Variants in S100A13 observed in about 807,000 individuals in gnomAD.
S100A13 encodes protein S100-A13.
S100A13 carries 6 observed loss-of-function variants against 8.2 expected under a neutral mutation model. The observed-to-expected ratio is 0.73, with a 90% CI of 0.40 to 1.44. The LOEUF (loss-of-function observed/expected upper bound fraction) is 1.44. Among genes scored for constraint, S100A13 ranks in the 40% most tolerant of loss-of-function variants. The probability of loss-of-function intolerance (pLI) is 0.02; values close to 1 mark genes in which losing one functional copy is unlikely to be tolerated. For missense variants in S100A13, 114 were observed against 113.6 expected (o/e 1.00, Z -0.02); for synonymous variants, 39 against 45.9 (o/e 0.85, Z 0.61).
chr1:153,619,295 G>A (rs1000212278), intron 2 of S100A13, among the ~76,000 whole-genome samples: 1 of 152,180 alleles, frequency 6.6e-6, no homozygotes, highest in Non-Finnish European at 1.5e-5. Flanking sequence ...CACGATGGCT[G>A]CTTACAAACC....
At chr1:153,620,679 A>AT (rs1345637440) in intron 2 of S100A13, among the ~76,000 whole-genome samples, 6 of 152,330 alleles carry the variant, frequency 3.9e-5, no homozygotes, top group African/African-American at 1.4e-4. Context: ...TAGGCACTGC[A>AT]TTATGTATTA....
chr1:153,631,244 C>T (rs1427804457), upstream of S100A13: 14 of 554,726 alleles, frequency 2.5e-5, no homozygotes, highest in Admixed American at 1.3e-4. Context: ...CCTCAGGATA[C>T]GGTAGAAAGT....
At chr1:153,630,789 T>TCTCTCCTGGGTTTTTCCAGGCTC, upstream of S100A13, 1 of 1,302,520 alleles carries the variant, frequency 7.7e-7, no homozygotes, top group East Asian at 2.5e-5. Context: ...TTCCCAGGCT[T>TCTCTCCTGGGTTTTTCCAGGCTC]CTCTCCTGGG....
At chr1:153,625,395 GGCCTCTTCGA>G (rs1667550842) in intron 2 of S100A13, among the ~76,000 whole-genome samples, 1 of 152,244 alleles carries the variant, frequency 6.6e-6, no homozygotes, top group Non-Finnish European at 1.5e-5. Flanking sequence ...AGAATGACCA[GGCCTCTTCGA>G]GGCCAGAGTC....
upstream of S100A13, chr1:153,631,954 C>A (rs1285492333): frequency 3.4e-6 from 4 of 1,163,008 alleles, no homozygotes; most frequent in Admixed American, 1.0e-4. Flanking sequence ...CCTTGCCCAC[C>A]CCACCCCCAC....
At position 153,618,985 on chromosome 1, in the gene S100A13, C is replaced by T. The variant is rs761986129; in HGVS notation, c.207G>A (p.Ser69=). 58 of 1,613,596 alleles carry T rather than the reference C, an allele frequency of 3.6e-5. No homozygotes were observed. Among genetic ancestry groups the T allele is most frequent in the African/African-American group, 2.9e-4 (22 of 74,898 alleles). ...KMKSLDVNQD[S]ELKFNEYWRL... ...TCCAGTACTCATTGAACTTGAGCTC[C>T]GAGTCCTGATTCACATCCAAGCTCT... The change falls in exon 3 of 3, where the codon TCG becomes TCA. Residue 69 remains serine (S), a synonymous_variant. Transcript: ENST00000476133.
At chr1:153,625,747 G>A (rs1667574796) in intron 2 of S100A13, among the ~76,000 whole-genome samples, 3 of 152,220 alleles carry the variant, frequency 2.0e-5, no homozygotes, top group Non-Finnish European at 4.4e-5. Context: ...GAAAGGCACA[G>A]AGCATACACA....
intron 1 of S100A13, 67 bp downstream of exon 1, chr1:153,627,416 G>A (rs1312370446): frequency 6.6e-6 from 1 of 152,460 alleles, no homozygotes; most frequent in African/African-American, 2.4e-5. Flanking sequence ...CTCTGGGGGA[G>A]GGACCTGGGA....
chr1:153,622,147 A>T (rs9729773), intron 2 of S100A13, among the ~76,000 whole-genome samples: 1 of 151,880 alleles, frequency 6.6e-6, no homozygotes. Context: ...AGGCAGGCAG[A>T]TCATCTGAAG....
chr1:153,631,297 C>T, upstream of S100A13: 1 of 681,168 alleles, frequency 1.5e-6, no homozygotes, highest in Non-Finnish European at 2.4e-6. Context: ...CAAATTCCAG[C>T]CCTGCTACTT....
chr1:153,627,793 C>T (rs151188428), upstream of S100A13: 12 of 471,050 alleles, frequency 2.5e-5, no homozygotes, highest in African/African-American at 3.9e-5. Flanking sequence ...CATGTCTAAT[C>T]AGGAGTGTGT....
At chr1:153,623,384 T>C (rs1299292502) in intron 2 of S100A13, among the ~76,000 whole-genome samples, 1 of 150,610 alleles carries the variant, frequency 6.6e-6, no homozygotes, top group Non-Finnish European at 1.5e-5. Context: ...TATTTTCGTT[T>C]CCTTTTTTTT....
At chr1:153,631,610 G>A, upstream of S100A13, 1 of 1,613,702 alleles carries the variant, frequency 6.2e-7, no homozygotes, top group South Asian at 1.1e-5. Context: ...GCTCATCTTT[G>A]CCTCCTGCTC....
chr1:153,627,281 C>A (rs1047036066), intron 1 of S100A13: 1 of 152,352 alleles, frequency 6.6e-6, no homozygotes, highest in Admixed American at 6.5e-5. Context: ...GCACTCACAA[C>A]CCCCTGGGGT....
At chr1:153,631,993 C>T, upstream of S100A13, 1 of 762,850 alleles carries the variant, frequency 1.3e-6, no homozygotes, top group Admixed American at 3.0e-5. Flanking sequence ...AGTAGCGGTC[C>T]AAGCCTGCAA....
chr1:153,630,693 G>A, upstream of S100A13: 2 of 1,610,216 alleles, frequency 1.2e-6, no homozygotes, highest in Non-Finnish European at 1.7e-6. Context: ...TGGGAGTGGA[G>A]TGGGTGAAGG....
At chr1:153,630,726 C>T, upstream of S100A13, 1 of 1,575,180 alleles carries the variant, frequency 6.3e-7, no homozygotes, top group East Asian at 2.3e-5. Flanking sequence ...GGTGGACACC[C>T]CCTTGCTATC....
At chr1:153,630,862 G>C (rs1287389755), upstream of S100A13, 1 of 611,866 alleles carries the variant, frequency 1.6e-6, no homozygotes, top group Non-Finnish European at 2.8e-6. Flanking sequence ...TTGATCACCT[G>C]TTAAGTGTTA....
chr1:153,628,248 A>C, upstream of S100A13: 1 of 1,538,078 alleles, frequency 6.5e-7, no homozygotes, highest in Non-Finnish European at 8.8e-7. Context: ...CTGGAGAGAA[A>C]GGAACGGGGC....
Sources: allele counts gnomAD v4.1 joint callset (sites outside exome capture counted in the v4.1 genomes callset), GRCh38; gene constraint gnomAD v4.1.1; transcripts MANE v1.5; gene names NCBI Gene and HGNC (gene_info 2026-07-23, HGNC 2026-07-21).